The following GABRG3 variants were observed in gnomAD, a reference collection of about 807,000 sequenced individuals.
The protein encoded by GABRG3 is gamma-aminobutyric acid receptor subunit gamma-3.
GABRG3 carries 25 observed loss-of-function variants against 48.8 expected under a neutral mutation model. The ratio of observed to expected loss-of-function variants is 0.51; its 90% CI spans 0.37 to 0.72. GABRG3 has a LOEUF of 0.72. Among genes scored for constraint, GABRG3 ranks in the 30% least tolerant of loss-of-function variants. The pLI is 0.00. For missense variants in GABRG3, 394 were observed against 577.9 expected (o/e 0.68, Z 3.26); for synonymous variants, 227 against 217.6 (o/e 1.04, Z -0.38).
At chr15:27,192,866 G>T (rs1888368221) in intron 3 of GABRG3, among the ~76,000 whole-genome samples, 1 of 152,082 alleles carries the variant, frequency 6.6e-6, no homozygotes, top group South Asian at 2.1e-4. Flanking sequence ...TTTGGTCTTT[G>T]ATGATGGTGA....
intron 5 of GABRG3, among the ~76,000 whole-genome samples, chr15:27,474,484 C>CA (rs1348567437): frequency 6.6e-6 from 1 of 151,996 alleles, no homozygotes. Context: ...AAATTATCCA[C>CA]AAAAAAAGCT....
chr15:27,127,613 G>A (rs549943219), intron 3 of GABRG3, among the ~76,000 whole-genome samples: 34 of 152,188 alleles, frequency 2.2e-4, no homozygotes, highest in Non-Finnish European at 4.4e-5. Flanking sequence ...AGATACCAAC[G>A]AACAGAATGC....
At chr15:27,063,675 T>G (rs1192220040) in intron 3 of GABRG3, among the ~76,000 whole-genome samples, 1 of 152,190 alleles carries the variant, frequency 6.6e-6, no homozygotes. Flanking sequence ...CTCAGATATT[T>G]CTTTATAGCC....
intron 5 of GABRG3, among the ~76,000 whole-genome samples, chr15:27,458,114 A>G (rs1215197033): frequency 6.6e-6 from 1 of 151,984 alleles, no homozygotes; most frequent in Non-Finnish European, 1.5e-5. Flanking sequence ...TGTGTGGCAC[A>G]TGCTGGACAC....
intron 3 of GABRG3, among the ~76,000 whole-genome samples, chr15:27,103,783 C>T (rs2140366532): frequency 6.6e-6 from 1 of 152,216 alleles, no homozygotes; most frequent in East Asian, 1.9e-4. Context: ...CCTCAGAACT[C>T]TTGAGGTTCT....
chr15:27,070,125 G>T (rs1444937324), intron 3 of GABRG3, among the ~76,000 whole-genome samples: 1 of 152,342 alleles, frequency 6.6e-6, no homozygotes, highest in African/African-American at 2.4e-5. Context: ...CCTCCCCCAC[G>T]TGAGGACAGG....
At chr15:27,458,035 C>T (rs771280180) in intron 5 of GABRG3, among the ~76,000 whole-genome samples, 7 of 152,090 alleles carry the variant, frequency 4.6e-5, no homozygotes, top group Admixed American at 1.3e-4. Flanking sequence ...TCAGGCCCCC[C>T]GACTCTGGGT....
chr15:27,378,476 G>T (rs191304337), intron 5 of GABRG3, among the ~76,000 whole-genome samples: 297 of 152,222 alleles, frequency 2.0e-3, no homozygotes, highest in African/African-American at 6.8e-3. Context: ...ATTTAGCATG[G>T]ACAAATTTAC....
At chr15:27,186,267 G>C (rs539091901) in intron 3 of GABRG3, among the ~76,000 whole-genome samples, 23 of 152,054 alleles carry the variant, frequency 1.5e-4, no homozygotes, top group African/African-American at 4.8e-4. Context: ...GTGGTATTTG[G>C]TTTTCTGTTT....
chr15:27,085,857 T>A (rs138625182), intron 3 of GABRG3, among the ~76,000 whole-genome samples: 170 of 152,340 alleles, frequency 1.1e-3, no homozygotes, highest in Middle Eastern at 6.8e-3. Flanking sequence ...CCTTCCTATG[T>A]TCTGCAAATC....
Position 27,197,061 on chromosome 15 carries a change from A to G in GABRG3, c.271-129748A>G, listed in dbSNP as rs1198998136. On this transcript the variant is annotated intron_variant, in intron 3 of 9. Coordinates refer to ENST00000615808, the MANE Select transcript of GABRG3 (RefSeq NM_033223.5). Reference sequence around the variant, plus strand: ...AAGCACAGGGTGTGAGAAGGAATGGATAGAACGATCCTTCTCATTCCTCCC... The same window carrying G: ...AAGCACAGGGTGTGAGAAGGAATGGGTAGAACGATCCTTCTCATTCCTCCC... Among the ~76,000 whole-genome samples the G allele has an allele frequency of 2.0e-5, 3 of 152,226 alleles. No homozygotes were observed. The South Asian group carries it at 6.2e-4, about 31-fold the overall frequency.
chr15:27,133,498 A>G (rs189400359), intron 3 of GABRG3, among the ~76,000 whole-genome samples: 58 of 152,292 alleles, frequency 3.8e-4, no homozygotes, highest in African/African-American at 1.4e-3. Context: ...CTTATGGCTC[A>G]ATCCTGAGCT....
At chr15:27,109,122 T>C (rs1414494729) in intron 3 of GABRG3, among the ~76,000 whole-genome samples, 1 of 152,178 alleles carries the variant, frequency 6.6e-6, no homozygotes, top group Admixed American at 6.5e-5. Context: ...TAAATTAAGG[T>C]TGCAGAGCAT....
chr15:27,350,480 T>C lies in GABRG3; in HGVS notation c.574+21592T>C, dbSNP rs184332619. On this transcript the variant is annotated intron_variant, in intron 5 of 9. Transcript: ENST00000615808. ...GACACATTCAGTATAAGCAGAAGCCTTCTGTCCTCAGGGAGTTCGCAGTGC... is the reference window on the plus strand; with the variant it reads ...GACACATTCAGTATAAGCAGAAGCCCTCTGTCCTCAGGGAGTTCGCAGTGC... 62 of 281,576 alleles carry C rather than the reference T, an allele frequency of 2.2e-4. 1 individual carries two copies. The Middle Eastern group carries it at 0.01, about 46-fold the overall frequency. 17.4% of individuals were successfully genotyped at this position (281,576 alleles called of 1,614,324 possible).
intron 3 of GABRG3, among the ~76,000 whole-genome samples, chr15:27,162,125 A>C (rs2140404626): frequency 6.6e-6 from 1 of 152,290 alleles, no homozygotes; most frequent in Middle Eastern, 3.4e-3. Flanking sequence ...TCTGACCCAA[A>C]ATATCTGGGG....
At chr15:27,502,707 T>A (rs928134777) in intron 6 of GABRG3, among the ~76,000 whole-genome samples, 11 of 152,228 alleles carry the variant, frequency 7.2e-5, no homozygotes, top group Admixed American at 6.5e-4. Flanking sequence ...TCTTTGGGTT[T>A]GATCAATTTT....
At chr15:27,300,288 A>G (rs1165600608) in intron 3 of GABRG3, among the ~76,000 whole-genome samples, 2 of 152,194 alleles carry the variant, frequency 1.3e-5, no homozygotes, top group African/African-American at 2.4e-5. Flanking sequence ...TTCAACTCCT[A>G]TGAGAACAGA....
chr15:27,323,010 T>G (rs1438670093), intron 3 of GABRG3, among the ~76,000 whole-genome samples: 3 of 152,008 alleles, frequency 2.0e-5, no homozygotes, highest in Non-Finnish European at 4.4e-5. Flanking sequence ...AGCTCTGTGT[T>G]CTCCCGATCT....
chr15:27,228,964 G>C (rs1001824905), intron 3 of GABRG3, among the ~76,000 whole-genome samples: 1 of 152,100 alleles, frequency 6.6e-6, no homozygotes, highest in African/African-American at 2.4e-5. Flanking sequence ...GTAGATATTA[G>C]ACCTTTGTCA....
Sources: gnomAD v4.1 joint callset for allele counts (sites outside exome capture counted in the v4.1 genomes callset) on GRCh38, gnomAD v4.1.1 for gene constraint, MANE v1.5 for transcripts, NCBI Gene and HGNC (gene_info 2026-07-23, HGNC 2026-07-21) for gene names.